STXBP5L: variants seen among roughly 807,000 people sequenced by gnomAD.
STXBP5L encodes syntaxin-binding protein 5-like.
Under a neutral mutation model 144.5 loss-of-function variants are expected in STXBP5L, and 65 were observed. The observed-to-expected ratio is 0.45, with a 90% confidence interval of 0.37 to 0.55. The LOEUF is 0.55. Among genes scored for constraint, STXBP5L ranks in the 20% least tolerant of loss-of-function variants. The pLI, the probability that STXBP5L is intolerant of heterozygous loss-of-function variation, is 0.00. For missense variants in STXBP5L, 1,298 were observed against 1,405.5 expected (o/e 0.92, Z 1.22); for synonymous variants, 505 against 469.6 (o/e 1.08, Z -0.97).
At chr3:120,980,481 G>A (rs1423440470) in intron 3 of STXBP5L, among the ~76,000 whole-genome samples, 1 of 143,996 alleles carries the variant, frequency 6.9e-6, no homozygotes, top group African/African-American at 2.6e-5. Flanking sequence ...TTTAACTGTT[G>A]TTGATTTAAA....
intron 2 of STXBP5L, among the ~76,000 whole-genome samples, chr3:120,948,233 T>TTA (rs1390984643): frequency 6.6e-6 from 1 of 151,238 alleles, no homozygotes; most frequent in Non-Finnish European, 1.5e-5. Context: ...TATTGGCCAT[T>TTA]TATATATATT....
intron 23 of STXBP5L, among the ~76,000 whole-genome samples, chr3:121,411,194 G>A (rs1455984493): frequency 6.6e-6 from 1 of 152,036 alleles, no homozygotes; most frequent in African/African-American, 2.4e-5. Flanking sequence ...GACGAGCCAC[G>A]TATCAACTGC....
At chr3:121,103,055 A>G (rs941203434) in intron 5 of STXBP5L, among the ~76,000 whole-genome samples, 5 of 152,122 alleles carry the variant, frequency 3.3e-5, no homozygotes, top group Non-Finnish European at 7.4e-5. Context: ...AAAACCACAA[A>G]TGCTGGCAAA....
intron 20 of STXBP5L, among the ~76,000 whole-genome samples, chr3:121,373,030 G>A (rs976265475): frequency 6.6e-6 from 1 of 152,176 alleles, no homozygotes; most frequent in South Asian, 2.1e-4. Flanking sequence ...AGTAAAACTT[G>A]TTCTTAACCT....
rs1329008682 is a variant in STXBP5L at position 121,308,232 on chromosome 3, G to A, written c.2111-10243G>A. Among the ~76,000 whole-genome samples the A allele has an allele frequency of 3.3e-5, 5 of 152,064 alleles. No homozygotes were observed. In the South Asian group the frequency reaches 6.2e-4, roughly 19 times the overall value. On this transcript the variant is annotated intron_variant, in intron 19 of 26. Coordinates refer to ENST00000471454, the MANE Select transcript of STXBP5L (RefSeq NM_001308330.2). ...GTTTACCTATGTAAGAAACCTGCACGTCCTACACATGTATCCCAGAACTTA... is the reference window on the plus strand; with the variant it reads ...GTTTACCTATGTAAGAAACCTGCACATCCTACACATGTATCCCAGAACTTA...
At chr3:121,413,870 C>A (rs192506471) in intron 24 of STXBP5L, among the ~76,000 whole-genome samples, 11 of 152,190 alleles carry the variant, frequency 7.2e-5, no homozygotes, top group East Asian at 1.9e-4. Flanking sequence ...AACTATTTAA[C>A]CCCCCTCATT....
chr3:121,211,411 C>T (rs764823224), intron 10 of STXBP5L, among the ~76,000 whole-genome samples: 2 of 152,030 alleles, frequency 1.3e-5, no homozygotes, highest in African/African-American at 4.8e-5. Flanking sequence ...CAATTGAAAA[C>T]CCTTTCTTTC....
At chr3:121,261,059 T>C (rs1209862062) in intron 18 of STXBP5L, among the ~76,000 whole-genome samples, 2 of 152,168 alleles carry the variant, frequency 1.3e-5, no homozygotes, top group Admixed American at 1.3e-4. Context: ...GCTCAAGCCA[T>C]CTTCTGAGTT....
At chr3:121,253,802 T>C (rs1268151948) in intron 15 of STXBP5L, among the ~76,000 whole-genome samples, 1 of 131,194 alleles carries the variant, frequency 7.6e-6, no homozygotes, top group African/African-American at 2.9e-5. Context: ...CGCTAATTTT[T>C]TTTTTTTCTT....
In STXBP5L at chr3:121,421,195, G is replaced by A. The variant is rs1028962865; in HGVS notation, c.*2098G>A. The A allele has an allele frequency of 2.6e-5, 4 of 151,660 alleles. No homozygotes were observed. Among genetic ancestry groups the A allele is most frequent in the Admixed American group, 6.6e-5 (1 of 15,216 alleles). 9.4% of individuals were successfully genotyped at this position (151,660 alleles called of 1,614,324 possible). On this transcript the variant is annotated 3_prime_UTR_variant, in exon 27 of 27. Transcript: ENST00000471454. ...TGATTTTCAGAACAAATACTTTATC[G>A]TTTCTGTATTTTAAAAAAAACTAAA...
intron 3 of STXBP5L, among the ~76,000 whole-genome samples, chr3:121,004,081 G>A (rs762845369): frequency 6.6e-6 from 1 of 152,026 alleles, no homozygotes; most frequent in Non-Finnish European, 1.5e-5. Context: ...TTCCAATTCT[G>A]TGAAGAAAGT....
chr3:121,137,246 TAA>T, intron 7 of STXBP5L, among the ~76,000 whole-genome samples: 1 of 140,530 alleles, frequency 7.1e-6, no homozygotes, highest in East Asian at 2.0e-4. Flanking sequence ...TTGAAAAGAA[TAA>T]AAAAAATGTT....
intron 20 of STXBP5L, among the ~76,000 whole-genome samples, chr3:121,356,107 C>T (rs1379822085): frequency 2.0e-5 from 3 of 152,238 alleles, no homozygotes; most frequent in African/African-American, 7.2e-5. Flanking sequence ...TATCTGTCAG[C>T]CTCTACTGGG....
intron 2 of STXBP5L, among the ~76,000 whole-genome samples, chr3:120,918,633 T>C (rs779577033): frequency 2.0e-5 from 3 of 152,212 alleles, no homozygotes; most frequent in Non-Finnish European, 4.4e-5. Context: ...ACCATTATCA[T>C]AGTGAAGAAA....
intron 2 of STXBP5L, among the ~76,000 whole-genome samples, chr3:120,926,605 CTGT>C (rs1709646064): frequency 6.6e-6 from 1 of 151,988 alleles, no homozygotes; most frequent in Non-Finnish European, 1.5e-5. Flanking sequence ...AGAAAGTTTT[CTGT>C]TATTATTTCT....
rs144861730 is a variant in STXBP5L, at chr3:120,984,280, A to G, written c.287+29243A>G. 1.1e-3 allele frequency among the ~76,000 whole-genome samples: 174 copies of G among 152,234 alleles called. 1 individual carries two copies. The highest frequency in any genetic ancestry group is 5.3e-4 in the Non-Finnish European group (36 of 68,022). ...TAAAATGACTTTTTCTTTTACCAGT[A>G]ATGGCTTCTCTTGATTTTATGGACG... On this transcript the variant is annotated intron_variant, in intron 3 of 26. Coordinates refer to ENST00000471454, the MANE Select transcript of STXBP5L (RefSeq NM_001308330.2).
chr3:121,342,311 C>T lies in STXBP5L; in HGVS notation c.2176+23771C>T, dbSNP rs1456704764. Among the ~76,000 whole-genome samples the T allele has an allele frequency of 2.0e-5, 3 of 151,962 alleles. No individual in the cohort carries two copies. The East Asian group carries it at 5.8e-4, about 29-fold the overall frequency. Reference sequence around the variant, plus strand: ...GCCTTGAATGTATGTAATTGAGGGGCTGGCACATAACATTAGGAATTATAC... The same window carrying T: ...GCCTTGAATGTATGTAATTGAGGGGTTGGCACATAACATTAGGAATTATAC... On this transcript the variant is annotated intron_variant, in intron 20 of 26. Transcript: ENST00000471454.
chr3:121,013,247 T>C (rs956867080), intron 3 of STXBP5L, among the ~76,000 whole-genome samples: 9 of 151,708 alleles, frequency 5.9e-5, no homozygotes, highest in Non-Finnish European at 1.0e-4. Flanking sequence ...GGTAATTCTG[T>C]TTTTACTTTG....
chr3:121,177,261 A>G (rs940747776), intron 9 of STXBP5L, among the ~76,000 whole-genome samples: 1 of 152,152 alleles, frequency 6.6e-6, no homozygotes, highest in Admixed American at 6.5e-5. Flanking sequence ...TTCACCTACT[A>G]AAATAAAAAT....
Sources: gnomAD v4.1 joint callset for allele counts (sites outside exome capture counted in the v4.1 genomes callset) on GRCh38, gnomAD v4.1.1 for gene constraint, MANE v1.5 for transcripts, NCBI Gene and HGNC (gene_info 2026-07-23, HGNC 2026-07-21) for gene names.